BACH2: variants seen among roughly 807,000 people sequenced by gnomAD.
BACH2 encodes the protein transcription regulator protein BACH2.
BACH2 carries 5 observed loss-of-function variants against 61.8 expected under a neutral mutation model. That is an observed-to-expected ratio of 0.08 (90% confidence interval 0.04 to 0.17). BACH2 has a LOEUF of 0.17. Ranked by LOEUF, BACH2 falls within the 10% of genes least tolerant of loss-of-function variation. The probability of loss-of-function intolerance (pLI) is 1.00; values close to 1 mark genes in which losing one functional copy is unlikely to be tolerated. For synonymous variants in BACH2, 446 were observed against 440.1 expected (o/e 1.01, Z -0.17); for missense variants, 824 against 1,091.1 (o/e 0.76, Z 3.45).
At chr6:90,160,212 G>T (rs1052930250) in intron 4 of BACH2, among the ~76,000 whole-genome samples, 2 of 152,170 alleles carry the variant, frequency 1.3e-5, no homozygotes, top group African/African-American at 4.8e-5. Context: ...CTCTGTGCAC[G>T]TGAGGCCTTA....
chr6:90,112,375 G>A (rs1270292777), intron 4 of BACH2, among the ~76,000 whole-genome samples: 2 of 152,096 alleles, frequency 1.3e-5, no homozygotes, highest in Admixed American at 1.3e-4. Flanking sequence ...AACTACAAAG[G>A]GATCCCCATC....
At chr6:90,218,961 C>G (rs1042397497) in intron 3 of BACH2, among the ~76,000 whole-genome samples, 2 of 144,908 alleles carry the variant, frequency 1.4e-5, no homozygotes, top group Non-Finnish European at 3.0e-5. Context: ...GTGTGTGACA[C>G]AGAGAGTGAG....
chr6:90,275,773 C>T (rs557045729), intron 1 of BACH2, among the ~76,000 whole-genome samples: 5 of 152,174 alleles, frequency 3.3e-5, no homozygotes, highest in Admixed American at 2.6e-4. Flanking sequence ...GTCAGAAGTT[C>T]GAGACCAGCC....
chr6:90,260,031 G>A (rs750307605), intron 2 of BACH2, among the ~76,000 whole-genome samples: 19 of 150,386 alleles, frequency 1.3e-4, no homozygotes, highest in Non-Finnish European at 3.0e-5. Context: ...TCTTCCTGTG[G>A]CTTTTCTATT....
At chr6:89,965,811 TA>T (rs1775018781) in intron 6 of BACH2, among the ~76,000 whole-genome samples, 1 of 152,210 alleles carries the variant, frequency 6.6e-6, no homozygotes, top group Non-Finnish European at 1.5e-5. Context: ...TGGAAGCAAG[TA>T]GCTTGACACA....
intron 4 of BACH2, among the ~76,000 whole-genome samples, chr6:90,103,171 C>T (rs972640565): frequency 6.6e-6 from 1 of 150,842 alleles, no homozygotes; most frequent in African/African-American, 2.4e-5. Context: ...AATACCCAGG[C>T]ATGTGAAAGG....
At chr6:90,125,353 G>C (rs1435700147) in intron 4 of BACH2, among the ~76,000 whole-genome samples, 1 of 152,076 alleles carries the variant, frequency 6.6e-6, no homozygotes, top group Admixed American at 6.5e-5. Context: ...TAAGTATTTT[G>C]CATTTGCCTT....
At position 89,938,148 on chromosome 6, in the gene BACH2, T is replaced by A. The variant is rs1331400038; in HGVS notation, c.2039A>T (p.Lys680Ile). The A allele has an allele frequency of 6.2e-7, 1 of 1,612,320 alleles. No homozygotes were observed. The highest frequency in any genetic ancestry group is 8.5e-7 in the Non-Finnish European group (1 of 1,178,374). Residue 680 changes from lysine (K) to isoleucine (I), a missense_variant, in exon 8 of 9, where the codon AAA becomes ATA. This residue lies in a region of BACH2 where 160 missense variants were observed against 283.5 expected (regional missense o/e 0.56). Transcript: ENST00000257749. The part of the protein sequence containing the change: ...CIQNLECEIR[K>I]LVCEKEKLLS... The stretch of plus-strand genomic sequence containing the variant: ...ACAATGGATGGGTCAACTCACCAAT[T>A]TGCGGATTTCACATTCTAAATTCTG...
At chr6:90,058,749 C>G (rs1023771067) in intron 5 of BACH2, among the ~76,000 whole-genome samples, 15 of 152,194 alleles carry the variant, frequency 9.9e-5, no homozygotes, top group African/African-American at 3.6e-4. Context: ...GTAACCAAAA[C>G]AGCATGGTAC....
At chr6:90,075,800 T>C (rs1057440191) in intron 5 of BACH2, among the ~76,000 whole-genome samples, 3 of 152,158 alleles carry the variant, frequency 2.0e-5, no homozygotes, top group Admixed American at 6.6e-5. Context: ...AGGATGGATA[T>C]TGTTTCAGGA....
chr6:90,047,942 T>C (rs945951746), intron 5 of BACH2, among the ~76,000 whole-genome samples: 1 of 152,174 alleles, frequency 6.6e-6, no homozygotes, highest in Non-Finnish European at 1.5e-5. Context: ...AATCTCTCCT[T>C]AAAGATTTCA....
chr6:90,193,273 T>C (rs1768638430), intron 4 of BACH2, among the ~76,000 whole-genome samples: 1 of 152,172 alleles, frequency 6.6e-6, no homozygotes. Context: ...ATTACAGATG[T>C]AATTAGTTAA....
chr6:89,934,757 A>G (rs933365404), intron 8 of BACH2, among the ~76,000 whole-genome samples: 1 of 152,196 alleles, frequency 6.6e-6, no homozygotes, highest in African/African-American at 2.4e-5. Flanking sequence ...CATCTGAAGC[A>G]GCATGAAGTC....
At chr6:90,124,685 T>A (rs558610783) in intron 4 of BACH2, among the ~76,000 whole-genome samples, 38 of 152,350 alleles carry the variant, frequency 2.5e-4, no homozygotes, top group Admixed American at 2.3e-3. Flanking sequence ...CATTTGATGA[T>A]CATTTCTAGT....
chr6:89,939,422 G>A (rs1773258185), intron 7 of BACH2, among the ~76,000 whole-genome samples: 1 of 152,200 alleles, frequency 6.6e-6, no homozygotes, highest in South Asian at 2.1e-4. Flanking sequence ...ATTTCTCATA[G>A]AAACTGTAAG....
rs145634259 is a variant in BACH2 at position 89,988,776 on chromosome 6, T to C, written c.243+19826A>G. On this transcript the variant is annotated intron_variant, in intron 6 of 8. Transcript: ENST00000257749. The stretch of plus-strand genomic sequence containing the variant: ...AAAATTAGGAAAGAAAATCGTTTCT[T>C]ATGAGCAACTGGAGGCAAAGGCAAA... 2.3e-3 allele frequency among the ~76,000 whole-genome samples: 353 copies of C among 152,308 alleles called. 6 individuals carry two copies. Among genetic ancestry groups the C allele is most frequent in the African/African-American group, 7.7e-3 (320 of 41,562 alleles).
At chr6:90,209,109 G>C (rs1438518557) in intron 3 of BACH2, among the ~76,000 whole-genome samples, 3 of 152,064 alleles carry the variant, frequency 2.0e-5, no homozygotes, top group African/African-American at 7.2e-5. Context: ...CGTAAATGAT[G>C]AGTTGATGGG....
At chr6:90,196,803 A>G (rs1312161494) in intron 4 of BACH2, among the ~76,000 whole-genome samples, 1 of 152,186 alleles carries the variant, frequency 6.6e-6, no homozygotes, top group Non-Finnish European at 1.5e-5. Flanking sequence ...ATGCCACTTT[A>G]TTAAAGTTTG....
At chr6:90,110,984 T>C (rs1229668634) in intron 4 of BACH2, among the ~76,000 whole-genome samples, 5 of 152,184 alleles carry the variant, frequency 3.3e-5, no homozygotes, top group Admixed American at 6.5e-5. Context: ...TGAAGTGAAA[T>C]TGGCATTCTG....
Sources: gnomAD v4.1 joint callset for allele counts (sites outside exome capture counted in the v4.1 genomes callset) on GRCh38, gnomAD v4.1.1 for gene constraint, gnomAD v4.1.1 regional missense constraint, MANE v1.5 for transcripts, NCBI Gene and HGNC (gene_info 2026-07-23, HGNC 2026-07-21) for gene names.